Variants in GRIA4 observed in about 807,000 individuals in gnomAD.
GRIA4 encodes the protein glutamate receptor 4.
Under a neutral mutation model 104.0 loss-of-function variants are expected in GRIA4, and 34 were observed. The ratio of observed to expected loss-of-function variants is 0.33; its 90% CI spans 0.25 to 0.44. GRIA4 has a LOEUF of 0.44. Among genes scored for constraint, GRIA4 ranks in the 20% least tolerant of loss-of-function variants. The pLI, the probability that GRIA4 is intolerant of heterozygous loss-of-function variation, is 1.00. For synonymous variants in GRIA4, 386 were observed against 381.9 expected (o/e 1.01, Z -0.13); for missense variants, 750 against 1,096.5 (o/e 0.68, Z 4.46).
intron 12 of GRIA4, among the ~76,000 whole-genome samples, 163 bp from the exon 13 acceptor site, chr11:105,926,578 G>A (rs1474385375): frequency 1.3e-5 from 2 of 152,104 alleles, no homozygotes; most frequent in Non-Finnish European, 2.9e-5. Context: ...GAAGACATCA[G>A]ATTATACAGA....
At chr11:105,878,607 C>G (rs982284080) in intron 5 of GRIA4, among the ~76,000 whole-genome samples, 2 of 152,208 alleles carry the variant, frequency 1.3e-5, no homozygotes, top group East Asian at 1.9e-4. Flanking sequence ...TTCAGAGATG[C>G]CCTGTATGGT....
chr11:105,718,304 T>G (rs573920641), intron 3 of GRIA4, among the ~76,000 whole-genome samples: 1 of 152,282 alleles, frequency 6.6e-6, no homozygotes, highest in East Asian at 1.9e-4. Context: ...TTAGTGTAAT[T>G]ATTTTAAGGG....
At chr11:105,978,673 TGA>T (rs1859116682) in intron 16 of GRIA4, among the ~76,000 whole-genome samples, 1 of 152,176 alleles carries the variant, frequency 6.6e-6, no homozygotes, top group African/African-American at 2.4e-5. Flanking sequence ...TGCTGAGTTG[TGA>T]GTTATGAACT....
At chr11:105,699,350 C>A (rs1459874352) in intron 3 of GRIA4, among the ~76,000 whole-genome samples, 11 of 152,138 alleles carry the variant, frequency 7.2e-5, no homozygotes, top group Non-Finnish European at 4.4e-5. Flanking sequence ...ATTCAGGACA[C>A]TAGCTGCACT....
intron 4 of GRIA4, among the ~76,000 whole-genome samples, chr11:105,774,867 T>C (rs1941382076): frequency 6.6e-6 from 1 of 152,160 alleles, no homozygotes; most frequent in South Asian, 2.1e-4. Flanking sequence ...TATCAATATA[T>C]ATTAGTTTTC....
At chr11:105,651,581 C>G (rs1951687921) in intron 3 of GRIA4, among the ~76,000 whole-genome samples, 2 of 152,036 alleles carry the variant, frequency 1.3e-5, no homozygotes, top group Non-Finnish European at 2.9e-5. Context: ...GAGTCCTTTC[C>G]TAATGAAGAC....
At chr11:105,836,918 GT>G (rs1944211049) in intron 4 of GRIA4, among the ~76,000 whole-genome samples, 1 of 152,108 alleles carries the variant, frequency 6.6e-6, no homozygotes, top group Admixed American at 6.6e-5. Context: ...CTAGCAGCAT[GT>G]ATTAGTCCAT....
intron 4 of GRIA4, among the ~76,000 whole-genome samples, chr11:105,843,697 T>C (rs935271992): frequency 2.6e-5 from 4 of 152,192 alleles, no homozygotes; most frequent in Admixed American, 2.0e-4. Context: ...GAATTTCTAG[T>C]AGTTTCATAG....
intron 3 of GRIA4, among the ~76,000 whole-genome samples, chr11:105,731,094 T>A (rs1938559264): frequency 6.6e-6 from 1 of 152,008 alleles, no homozygotes; most frequent in Admixed American, 6.6e-5. Flanking sequence ...ACAGAAAACC[T>A]ACAGAATGGG....
intron 5 of GRIA4, among the ~76,000 whole-genome samples, chr11:105,884,429 C>T (rs1410724870): frequency 6.6e-6 from 1 of 152,214 alleles, no homozygotes; most frequent in Non-Finnish European, 1.5e-5. Flanking sequence ...TTTACACAAT[C>T]ATTTAAAAAT....
intron 6 of GRIA4, among the ~76,000 whole-genome samples, chr11:105,888,996 T>C (rs1391771092): frequency 6.6e-6 from 1 of 152,034 alleles, no homozygotes; most frequent in Non-Finnish European, 1.5e-5. Context: ...GAAAAAAACT[T>C]AGGATTATGA....
At chr11:105,656,828 A>C (rs1319259271) in intron 3 of GRIA4, among the ~76,000 whole-genome samples, 1 of 152,106 alleles carries the variant, frequency 6.6e-6, no homozygotes. Context: ...AATAGGAATA[A>C]ACTTTTATTT....
intron 3 of GRIA4, among the ~76,000 whole-genome samples, chr11:105,696,089 G>A (rs1953267939): frequency 6.6e-6 from 1 of 152,124 alleles, no homozygotes; most frequent in African/African-American, 2.4e-5. Context: ...GGACTTTTAT[G>A]TTGGCTGCCC....
rs764386183 is a variant in GRIA4 at position 105,979,743 on chromosome 11, C to A, written c.*4C>A. 8 of 1,606,894 alleles carry A rather than the reference C, an allele frequency of 5.0e-6. No homozygotes were observed. Among genetic ancestry groups the A allele is most frequent in the East Asian group, 4.5e-5 (2 of 44,742 alleles). The stretch of plus-strand genomic sequence containing the variant: ...CATTGCATCGGACCTACCATAAAAA[C>A]CAAAAAAATAATTGAGTGCCTTAAT... On this transcript the variant is annotated 3_prime_UTR_variant, in exon 17 of 17. Coordinates refer to ENST00000282499, the MANE Select transcript of GRIA4 (RefSeq NM_000829.4).
At chr11:105,867,920 C>T (rs1185145374) in intron 5 of GRIA4, among the ~76,000 whole-genome samples, 2 of 152,150 alleles carry the variant, frequency 1.3e-5, no homozygotes, top group South Asian at 2.1e-4. Context: ...GCACTTGACA[C>T]CTCATACATT....
rs1041248998 is a variant in GRIA4, at chr11:105,901,742, T to C, written c.886-2072T>C. On this transcript the variant is annotated intron_variant, in intron 7 of 16. Coordinates refer to ENST00000282499, the MANE Select transcript of GRIA4 (RefSeq NM_000829.4). The stretch of plus-strand genomic sequence containing the variant: ...CTGCTCTTTTTTCTGGTTCACATAT[T>C]TCATAAAAATAAACGAACTTTTTAA... 7.9e-5 allele frequency among the ~76,000 whole-genome samples: 12 copies of C among 152,238 alleles called. No homozygotes were observed. In the East Asian group the frequency reaches 1.2e-3, roughly 15 times the overall value.
chr11:105,619,468 A>T (rs1168229332), intron 3 of GRIA4, among the ~76,000 whole-genome samples: 1 of 151,916 alleles, frequency 6.6e-6, no homozygotes, highest in Non-Finnish European at 1.5e-5. Flanking sequence ...AGGCATTTTA[A>T]ATAGATTTTT....
chr11:105,717,707 T>C (rs551876978), intron 3 of GRIA4, among the ~76,000 whole-genome samples: 4 of 148,622 alleles, frequency 2.7e-5, no homozygotes, highest in Non-Finnish European at 6.1e-5. Flanking sequence ...TCTTTTTTCT[T>C]TTTTTTTATT....
intron 13 of GRIA4, among the ~76,000 whole-genome samples, chr11:105,932,420 A>T (rs1386860806): frequency 6.6e-6 from 1 of 152,118 alleles, no homozygotes; most frequent in Non-Finnish European, 1.5e-5. Context: ...CAGACTCCCA[A>T]AATGTTGGGA....
Sources: gnomAD v4.1 joint callset for allele counts (sites outside exome capture counted in the v4.1 genomes callset) on GRCh38, gnomAD v4.1.1 for gene constraint, MANE v1.5 for transcripts, NCBI Gene and HGNC (gene_info 2026-07-23, HGNC 2026-07-21) for gene names.